Variants in ZRANB3 observed in about 807,000 individuals in gnomAD.
ZRANB3 encodes zinc finger RANBP2-type containing 3.
In ZRANB3, 125 loss-of-function variants were observed where a neutral mutation model predicts 133.8. That is an observed-to-expected ratio of 0.93 (90% CI 0.81 to 1.08). The LOEUF is 1.08. ZRANB3 is among the 50% of genes least tolerant of loss of function. ZRANB3 has a pLI of 0.00. For synonymous variants in ZRANB3, 387 were observed against 432.7 expected (o/e 0.89, Z 1.31); for missense variants, 1,229 against 1,275.5 (o/e 0.96, Z 0.56).
At chr2:135,283,471 G>A (rs559216150) in intron 8 of ZRANB3, among the ~76,000 whole-genome samples, 11 of 151,894 alleles carry the variant, frequency 7.2e-5, no homozygotes, top group East Asian at 3.9e-4. Context: ...CTAGCTGGGC[G>A]TGGTGATGCA....
chr2:135,229,529 G>A (rs1424329982), intron 13 of ZRANB3, among the ~76,000 whole-genome samples: 4 of 151,666 alleles, frequency 2.6e-5, no homozygotes, highest in South Asian at 2.1e-4. Context: ...TACCACGCCC[G>A]GCTAATTTTT....
chr2:135,260,946 T>G (rs1366915619), intron 12 of ZRANB3, among the ~76,000 whole-genome samples: 1 of 146,902 alleles, frequency 6.8e-6, no homozygotes, highest in Non-Finnish European at 1.5e-5. Flanking sequence ...GTATTTTTAT[T>G]CTATATATAC....
At chr2:135,468,434 A>C (rs1691098606) in intron 2 of ZRANB3, among the ~76,000 whole-genome samples, 1 of 152,208 alleles carries the variant, frequency 6.6e-6, no homozygotes. Flanking sequence ...GCCATCTTCA[A>C]CCAGTATACT....
At chr2:135,324,571 A>T (rs1683708213) in intron 6 of ZRANB3, among the ~76,000 whole-genome samples, 1 of 152,180 alleles carries the variant, frequency 6.6e-6, no homozygotes, top group Non-Finnish European at 1.5e-5. Flanking sequence ...TAGCAGCATT[A>T]TTTATAATCC....
intron 2 of ZRANB3, among the ~76,000 whole-genome samples, chr2:135,437,050 C>T (rs1689566147): frequency 6.6e-6 from 1 of 152,214 alleles, no homozygotes. Context: ...ACCTCCACCT[C>T]CTGGGTTCAA....
chr2:135,415,495 C>A (rs1688524409), intron 2 of ZRANB3, among the ~76,000 whole-genome samples: 1 of 152,072 alleles, frequency 6.6e-6, no homozygotes, highest in Non-Finnish European at 1.5e-5. Context: ...AGTCCAGGAC[C>A]AGATGGATTC....
chr2:135,525,281 T>A (rs1286800394), intron 1 of ZRANB3, among the ~76,000 whole-genome samples: 1 of 152,062 alleles, frequency 6.6e-6, no homozygotes, highest in Non-Finnish European at 1.5e-5. Flanking sequence ...AAATGAAATA[T>A]AATGAACCAT....
chr2:135,254,914 C>T (rs1679579942), intron 12 of ZRANB3, among the ~76,000 whole-genome samples: 1 of 151,964 alleles, frequency 6.6e-6, no homozygotes, highest in South Asian at 2.1e-4. Flanking sequence ...CCACACCTAG[C>T]TAATTTTTTT....
intron 8 of ZRANB3, among the ~76,000 whole-genome samples, chr2:135,281,009 C>T (rs931062482): frequency 5.3e-5 from 8 of 152,162 alleles, no homozygotes; most frequent in African/African-American, 1.9e-4. Context: ...AACCCTTGGC[C>T]TGTCTTTAGC....
intron 1 of ZRANB3, among the ~76,000 whole-genome samples, chr2:135,526,785 T>C (rs956080701): frequency 1.3e-5 from 2 of 152,134 alleles, no homozygotes; most frequent in African/African-American, 2.4e-5. Flanking sequence ...CCCTTTTAAG[T>C]CCGATAAAAA....
intron 2 of ZRANB3, among the ~76,000 whole-genome samples, chr2:135,419,544 A>AGAAAACAAGGGTTTTTAAGGG (rs1274640301): frequency 6.6e-6 from 1 of 152,130 alleles, no homozygotes; most frequent in Admixed American, 6.6e-5. Context: ...GGGAGGTAAC[A>AGAAAACAAGGGTTTTTAAGGG]GAAAACAAGG....
intron 14 of ZRANB3, among the ~76,000 whole-genome samples, chr2:135,226,756 T>C (rs564387557): frequency 1.4e-4 from 22 of 152,286 alleles, no homozygotes; most frequent in African/African-American, 5.1e-4. Context: ...CACTGAGCCA[T>C]ATGCTGTCCC....
In ZRANB3 at chr2:135,248,920, C is replaced by A. The variant is rs370047960; in HGVS notation, c.1539+16614G>T. On this transcript the variant is annotated intron_variant, in intron 12 of 20. Transcript: ENST00000264159. ...GACTCTGTCTCAACAACAACAACAA[C>A]AAAAAAAAGTAGGCAAAGGAAATGA... 1.7e-3 allele frequency among the ~76,000 whole-genome samples: 261 copies of A among 150,992 alleles called. 2 individuals are homozygous for A. Among genetic ancestry groups the A allele is most frequent in the Admixed American group, 0.012 (188 of 15,204 alleles).
At chr2:135,342,376 T>G (rs1684715818) in intron 6 of ZRANB3, among the ~76,000 whole-genome samples, 1 of 150,008 alleles carries the variant, frequency 6.7e-6, no homozygotes, top group African/African-American at 2.5e-5. Flanking sequence ...TGCTAGGATA[T>G]CTTAATCTAT....
chr2:135,356,110 A>G (rs1685421516), intron 3 of ZRANB3, among the ~76,000 whole-genome samples: 1 of 152,164 alleles, frequency 6.6e-6, no homozygotes, highest in Non-Finnish European at 1.5e-5. Context: ...GAGATCAGGT[A>G]TGTAAGCCTT....
chr2:135,344,772 T>C (rs923078654), intron 6 of ZRANB3, among the ~76,000 whole-genome samples: 3 of 152,036 alleles, frequency 2.0e-5, no homozygotes, highest in African/African-American at 7.2e-5. Context: ...ATAAAATGAA[T>C]ATCAAAGCTC....
intron 2 of ZRANB3, among the ~76,000 whole-genome samples, chr2:135,398,766 G>A (rs1024561867): frequency 6.7e-6 from 1 of 150,174 alleles, no homozygotes; most frequent in Non-Finnish European, 1.5e-5. Flanking sequence ...CTCGTGATCC[G>A]CCAGCCCCGG....
At chr2:135,524,724 A>C (rs1476451974) in intron 1 of ZRANB3, among the ~76,000 whole-genome samples, 1 of 152,168 alleles carries the variant, frequency 6.6e-6, no homozygotes, top group Admixed American at 6.5e-5. Flanking sequence ...GTACAAGTCA[A>C]AGAAAAGAGA....
chr2:135,314,107 G>A (rs1400020104), intron 7 of ZRANB3, among the ~76,000 whole-genome samples: 1 of 152,160 alleles, frequency 6.6e-6, no homozygotes, highest in East Asian at 1.9e-4. Context: ...CAGGTGATCT[G>A]CCCACCTCGA....
Sources: gnomAD v4.1 joint callset for allele counts (sites outside exome capture counted in the v4.1 genomes callset) on GRCh38, gnomAD v4.1.1 for gene constraint, MANE v1.5 for transcripts, NCBI Gene and HGNC (gene_info 2026-07-23, HGNC 2026-07-21) for gene names.